The following TENM2 variants were observed in gnomAD, a reference collection of about 807,000 sequenced individuals.
TENM2 encodes the protein teneurin transmembrane protein 2, also known as teneurin-2.
TENM2 carries 52 observed loss-of-function variants against 245.2 expected under a neutral mutation model. The observed-to-expected ratio is 0.21, with a 90% confidence interval of 0.17 to 0.27. The LOEUF is 0.27. Ranked by LOEUF, TENM2 falls within the 10% of genes least tolerant of loss-of-function variation. The pLI, the probability that TENM2 is intolerant of heterozygous loss-of-function variation, is 1.00. For missense variants in TENM2, 3,046 were observed against 3,666.8 expected, an observed-to-expected ratio of 0.83 and a Z score of 4.37; for synonymous variants, 1,363 against 1,438.9, an observed-to-expected ratio of 0.95 and a Z score of 1.19.
the TENM2 span, among the ~76,000 whole-genome samples, chr5:167,166,165 C>T: frequency 1.3e-5 from 2 of 152,052 alleles, no homozygotes; most frequent in East Asian, 1.9e-4. Context: ...AATTCTATGC[C>T]GACAGGCCAG....
chr5:167,852,471 G>A (rs536778192), intron 2 of TENM2, among the ~76,000 whole-genome samples: 5 of 152,274 alleles, frequency 3.3e-5, no homozygotes, highest in East Asian at 1.9e-4. Flanking sequence ...GCTGCAAAAC[G>A]GTAGCATCTT....
At chr5:168,096,721 C>T (rs1644144228) in intron 8 of TENM2, among the ~76,000 whole-genome samples, 1 of 152,298 alleles carries the variant, frequency 6.6e-6, no homozygotes, top group African/African-American at 2.4e-5. Flanking sequence ...CCTTTCATAC[C>T]ATGTCACCAG....
At chr5:167,509,563 T>G (rs1287192745) in intron 2 of TENM2, among the ~76,000 whole-genome samples, 4 of 152,216 alleles carry the variant, frequency 2.6e-5, no homozygotes, top group Non-Finnish European at 5.9e-5. Context: ...TGTGATATTT[T>G]TATTTGTACC....
At chr5:167,784,503 T>C (rs1764430795) in intron 2 of TENM2, among the ~76,000 whole-genome samples, 1 of 152,206 alleles carries the variant, frequency 6.6e-6, no homozygotes, top group Non-Finnish European at 1.5e-5. Context: ...TACAGTCATA[T>C]GAACCTTAAT....
At chr5:167,962,785 A>G (rs1464893348) in intron 4 of TENM2, among the ~76,000 whole-genome samples, 1 of 152,194 alleles carries the variant, frequency 6.6e-6, no homozygotes, top group Non-Finnish European at 1.5e-5. Flanking sequence ...TCACGACAAC[A>G]GTATGAGGGT....
intron 2 of TENM2, among the ~76,000 whole-genome samples, chr5:167,663,181 AG>A (rs1561650155): frequency 3.4e-4 from 48 of 143,118 alleles, no homozygotes; most frequent in African/African-American, 1.1e-3. Flanking sequence ...AGAGAGAGAG[AG>A]AGAGAAAGAG....
At chr5:168,211,475 C>G (rs894263223) in intron 19 of TENM2, among the ~76,000 whole-genome samples, 102 of 152,348 alleles carry the variant, frequency 6.7e-4, no homozygotes, top group Non-Finnish European at 1.6e-4. Flanking sequence ...CTGTTGCCAC[C>G]TCTGTCTTGT....
At chr5:167,653,743 C>T (rs1411005614) in intron 2 of TENM2, 1 of 152,172 alleles carries the variant, frequency 6.6e-6, no homozygotes, top group Non-Finnish European at 1.5e-5. Context: ...AATCAATACG[C>T]TACATTTCTC....
In TENM2 at chr5:167,619,065, C is replaced by T. The variant is rs372211669; in HGVS notation, c.502+243592C>T. On this transcript the variant is annotated intron_variant, in intron 2 of 28. Coordinates refer to ENST00000518659, the Ensembl canonical transcript of TENM2. ...CTACTCAAAGCCCATGACATAGCCACGTGGAAACACTGCCCAGTGTTCTAG... is the reference window on the plus strand; with the variant it reads ...CTACTCAAAGCCCATGACATAGCCATGTGGAAACACTGCCCAGTGTTCTAG... Among the ~76,000 whole-genome samples the T allele has an allele frequency of 1.2e-4, 18 of 152,184 alleles. No homozygotes were observed. The East Asian group carries it at 1.4e-3, about 11-fold the overall frequency.
chr5:167,812,028 G>T (rs887024766), intron 2 of TENM2, among the ~76,000 whole-genome samples: 22 of 152,228 alleles, frequency 1.4e-4, no homozygotes, highest in African/African-American at 3.9e-4. Flanking sequence ...CCCTGCAAAA[G>T]GGATTTAAAT....
chr5:168,262,029 C>T lies in TENM2; in HGVS notation c.7564-20C>T. On this transcript the variant is annotated intron_variant, in intron 28 of 28. Coordinates refer to ENST00000518659, the Ensembl canonical transcript of TENM2. The stretch of plus-strand genomic sequence containing the variant: ...GCCCAGCTCATCTTCTCAGCTTTCT[C>T]TGTTTTCTTATCCCCACAGCTCATT... 5 of 1,604,106 alleles carry T rather than the reference C, an allele frequency of 3.1e-6. No homozygotes were observed. Among genetic ancestry groups the T allele is most frequent in the Non-Finnish European group, 4.3e-6 (5 of 1,173,108 alleles).
intron 2 of TENM2, among the ~76,000 whole-genome samples, chr5:167,445,268 C>T (rs904052964): frequency 5.5e-5 from 8 of 145,592 alleles, no homozygotes; most frequent in Non-Finnish European, 1.2e-4. Context: ...TTGTTCATTC[C>T]GAAGATACTT....
intron 7 of TENM2, among the ~76,000 whole-genome samples, chr5:168,077,424 C>G (rs1238185394): frequency 6.6e-6 from 1 of 151,770 alleles, no homozygotes; most frequent in Non-Finnish European, 1.5e-5. Flanking sequence ...ACAAGTCTCC[C>G]ACTCTTTTTT....
At chr5:167,502,902 C>T (rs1217253627) in intron 2 of TENM2, among the ~76,000 whole-genome samples, 4 of 152,158 alleles carry the variant, frequency 2.6e-5, no homozygotes, top group Non-Finnish European at 5.9e-5. Context: ...GAGAACTGCT[C>T]AACTGCAACT....
chr5:167,103,215 A>G, the TENM2 span, among the ~76,000 whole-genome samples: 1 of 152,306 alleles, frequency 6.6e-6, no homozygotes, highest in South Asian at 2.1e-4. Flanking sequence ...TTTTAAAATT[A>G]TCTTTTAAAA....
chr5:167,174,002 T>C, the TENM2 span, among the ~76,000 whole-genome samples: 1 of 152,126 alleles, frequency 6.6e-6, no homozygotes, highest in Non-Finnish European at 1.5e-5. Flanking sequence ...AATTCTGTTA[T>C]TAATAACATT....
At chr5:167,427,269 A>G (rs988067080) in intron 2 of TENM2, among the ~76,000 whole-genome samples, 16 of 152,144 alleles carry the variant, frequency 1.1e-4, no homozygotes, top group African/African-American at 3.1e-4. Context: ...CCTGGCCAAC[A>G]GGGTGAAACC....
At chr5:167,391,622 CAAA>C (rs56202184) in intron 2 of TENM2, among the ~76,000 whole-genome samples, 24 of 53,510 alleles carry the variant, frequency 4.5e-4, no homozygotes, top group African/African-American at 1.3e-3. Context: ...AAGACTTCAT[CAAA>C]AAAAAAAAAA....
chr5:167,630,824 T>C (rs758251047), intron 2 of TENM2, among the ~76,000 whole-genome samples: 4 of 152,230 alleles, frequency 2.6e-5, no homozygotes, highest in Non-Finnish European at 5.9e-5. Flanking sequence ...TATCTGTGCA[T>C]AGCTTTTCTC....
Sources: allele counts gnomAD v4.1 joint callset (sites outside exome capture counted in the v4.1 genomes callset), GRCh38; gene constraint gnomAD v4.1.1; transcripts MANE v1.5; gene names NCBI Gene and HGNC (gene_info 2026-07-23, HGNC 2026-07-21).